Variants in FADS3 observed in about 807,000 individuals in gnomAD.
FADS3 encodes the protein cytochrome b5-related protein.
In FADS3, 30 loss-of-function variants were observed where a neutral mutation model predicts 60.4. The observed-to-expected ratio is 0.50, with a 90% confidence interval of 0.37 to 0.67. The LOEUF is 0.67. Among genes scored for constraint, FADS3 ranks in the 30% least tolerant of loss-of-function variants. The pLI is 0.00. For synonymous variants in FADS3, 234 were observed against 249.3 expected (o/e 0.94, Z 0.58); for missense variants, 432 against 598.3 (o/e 0.72, Z 2.90).
At chr11:61,881,017 AG>A (rs1439707248) in intron 1 of FADS3, 2 of 152,078 alleles carry the variant, frequency 1.3e-5, no homozygotes, top group African/African-American at 4.8e-5. Context: ...TTTTTTTTAA[AG>A]TAAATAAAAT....
intron 1 of FADS3, among the ~76,000 whole-genome samples, chr11:61,884,785 A>G (rs1938253423): frequency 6.6e-6 from 1 of 152,160 alleles, no homozygotes; most frequent in Non-Finnish European, 1.5e-5. Flanking sequence ...AGCGAGTGGA[A>G]AGCGGCACTC....
chr11:61,888,770 C>T (rs1256790537), intron 1 of FADS3, among the ~76,000 whole-genome samples: 1 of 94,266 alleles, frequency 1.1e-5, no homozygotes, highest in African/African-American at 2.7e-5. Flanking sequence ...AGCTCACTGT[C>T]TGCCCCAGCT....
chr11:61,891,987 G>C (rs557384190), upstream of FADS3: 114 of 152,368 alleles, frequency 7.5e-4, no homozygotes, highest in African/African-American at 2.5e-3. Flanking sequence ...GCGCCCAGAG[G>C]GGGGACGCTG....
chr11:61,886,552 A>G (rs1312049370), intron 1 of FADS3, among the ~76,000 whole-genome samples: 2 of 150,926 alleles, frequency 1.3e-5, no homozygotes, highest in African/African-American at 4.9e-5. Context: ...CCCCCAACCA[A>G]CTCCTGTGGC....
rs369029437 is a variant in FADS3, at chr11:61,878,653, C to G, written c.625-19G>C. ...AGAAGCCCTGTGGAGGAGGAGGGGG[C>G]TCTCAGGGCAGGCTGTGCCCCCGAC... On this transcript the variant is annotated intron_variant, in intron 4 of 11. Transcript: ENST00000278829. 1.3e-5 allele frequency: 21 copies of G among 1,613,556 alleles called. No homozygotes were observed. The African/African-American group carries it at 2.4e-4, about 18-fold the overall frequency.
At chr11:61,880,446 C>T in intron 1 of FADS3, 1 of 245,966 alleles carries the variant, frequency 4.1e-6, no homozygotes, top group Non-Finnish European at 7.8e-6. Flanking sequence ...AGAAAGACCT[C>T]CCGGGAAGAC....
At chr11:61,883,420 C>T (rs1938202541) in intron 1 of FADS3, among the ~76,000 whole-genome samples, 1 of 152,160 alleles carries the variant, frequency 6.6e-6, no homozygotes, top group Non-Finnish European at 1.5e-5. Flanking sequence ...GATGGTGAGT[C>T]CCTCTTTCTC....
At chr11:61,890,488 G>C (rs1342434521) in intron 1 of FADS3, 1 of 152,298 alleles carries the variant, frequency 6.6e-6, no homozygotes, top group Non-Finnish European at 1.5e-5. Context: ...GGGGCTGGTC[G>C]GGCTGCTCCA....
intron 1 of FADS3, among the ~76,000 whole-genome samples, chr11:61,883,300 A>G (rs1461155480): frequency 6.6e-6 from 1 of 152,100 alleles, no homozygotes; most frequent in African/African-American, 2.4e-5. Flanking sequence ...GAGAAATCAC[A>G]TGTTTGTTCC....
At chr11:61,882,283 T>C (rs1415764592) in intron 1 of FADS3, 2 of 151,526 alleles carry the variant, frequency 1.3e-5, no homozygotes, top group Non-Finnish European at 2.9e-5. Flanking sequence ...GCTAATTTTT[T>C]ATTTTTATTT....
In FADS3 at chr11:61,877,568, G is replaced by A. The variant is rs754678317; in HGVS notation, c.828C>T (p.Thr276=). 4 of 1,613,618 alleles carry A rather than the reference G, an allele frequency of 2.5e-6. No homozygotes were observed. In the African/African-American group the frequency reaches 4.0e-5, roughly 16 times the overall value. The change falls in exon 7 of 12, where the codon ACC becomes ACT. Residue 276 remains threonine, a synonymous_variant. Coordinates refer to ENST00000278829, the MANE Select transcript of FADS3 (RefSeq NM_021727.5). This position sits in a 1 kb window ranked among gnomAD's most constrained non-coding sequence, Gnocchi z 4.7. ...GATTTTCCACTTCAAAGTTCACCAG[G>A]GTGAGCAGCGGCGGGCCGACTGCAA... ...YFFLIGPPLL[T]LVNFEVENLA...
chr11:61,885,344 T>C (rs1186091018), intron 1 of FADS3, among the ~76,000 whole-genome samples: 2 of 152,134 alleles, frequency 1.3e-5, no homozygotes, highest in Non-Finnish European at 1.5e-5. Flanking sequence ...GTATTTCTCA[T>C]CAGTAAACTG....
rs1042624116 is a variant in FADS3 at position 61,876,784 on chromosome 11, A to G, written c.983+82T>C. On this transcript the variant is annotated intron_variant, in intron 8 of 11. Transcript: ENST00000278829. This position sits in a 1 kb window ranked among gnomAD's most constrained non-coding sequence, Gnocchi z 5.7. The stretch of plus-strand genomic sequence containing the variant: ...CAGTACCACTGGCCCCATTCTGCAG[A>G]CGGGAAAAGGGAAGCTCTGGTGGGG... The G allele has an allele frequency of 7.2e-6, 8 of 1,116,392 alleles. No individual in the cohort carries two copies. Among genetic ancestry groups the G allele is most frequent in the African/African-American group, 3.1e-5 (2 of 64,794 alleles). 69.2% of individuals were successfully genotyped at this position (1,116,392 alleles called of 1,614,324 possible).
chr11:61,877,448 C>A lies in FADS3; in HGVS notation c.885+63G>T. On this transcript the variant is annotated intron_variant, in intron 7 of 11. Transcript: ENST00000278829. The surrounding 1 kb of genome is among the most constrained non-coding windows in gnomAD (Gnocchi z 4.7). Reference sequence around the variant, plus strand: ...TTTGCCTTCATGGGCAGGTACTGTCCCCCGAGGCACCACCTCCTGCCACGG... The same window carrying A: ...TTTGCCTTCATGGGCAGGTACTGTCACCCGAGGCACCACCTCCTGCCACGG... 2 of 1,510,112 alleles carry A rather than the reference C, an allele frequency of 1.3e-6. No individual in the cohort carries two copies. The highest frequency in any genetic ancestry group is 2.2e-5 in the South Asian group (2 of 89,180). The allele number at this position is 1,510,112 out of a possible 1,614,324, so 93.5% of individuals were successfully genotyped here.
chr11:61,881,441 G>A (rs1318567738), intron 1 of FADS3: 1 of 152,132 alleles, frequency 6.6e-6, no homozygotes, highest in Non-Finnish European at 1.5e-5. Context: ...CACAGCTCTT[G>A]GACTGATTTT....
upstream of FADS3, chr11:61,891,683 T>C (rs1180317574): frequency 1.3e-5 from 2 of 154,890 alleles, no homozygotes; most frequent in African/African-American, 2.5e-5. Flanking sequence ...GCGCGGGGCC[T>C]CGGTCTCCAT....
Position 61,876,993 on chromosome 11 carries a change from AGGTCTCCAGGT to A in FADS3, c.886-41_886-31del. 6.6e-7 allele frequency: 1 copy of A among 1,504,556 alleles called. No homozygotes were observed. The highest frequency in any genetic ancestry group is 9.0e-7 in the Non-Finnish European group (1 of 1,112,052). The allele number at this position is 1,504,556 out of a possible 1,614,324, so 93.2% of individuals were successfully genotyped here. On this transcript the variant is annotated intron_variant, in intron 7 of 11. Transcript: ENST00000278829. The surrounding 1 kb of genome is among the most constrained non-coding windows in gnomAD (Gnocchi z 5.7). ...AGAGGAGGGCAGAGGCGATACCGAG[AGGTCTCCAGGT>A]GCCCGGAGGTCTGGAGGCCTGGTGG...
chr11:61,874,306 C>T (rs1412378687), intron 11 of FADS3, among the ~76,000 whole-genome samples: 2 of 152,244 alleles, frequency 1.3e-5, no homozygotes, highest in African/African-American at 2.4e-5. Context: ...CTCTAAAGGG[C>T]TGTGCCAAAT....
In FADS3 at chr11:61,877,328, G is replaced by T; in HGVS notation, c.885+183C>A. On this transcript the variant is annotated intron_variant, in intron 7 of 11. Coordinates refer to ENST00000278829, the MANE Select transcript of FADS3 (RefSeq NM_021727.5). This position sits in a 1 kb window ranked among gnomAD's most constrained non-coding sequence, Gnocchi z 4.7. ...CCCCCCCCACCACACGTACAGTCACGGGCACACTCGCTCTCCTGCTGCGCG... is the reference window on the plus strand; with the variant it reads ...CCCCCCCCACCACACGTACAGTCACTGGCACACTCGCTCTCCTGCTGCGCG... The T allele has an allele frequency of 2.0e-6, 1 of 501,432 alleles. No homozygotes were observed. The allele number at this position is 501,432 out of a possible 1,614,324, so 31.1% of individuals were successfully genotyped here.
Sources: gnomAD v4.1 joint callset for allele counts (sites outside exome capture counted in the v4.1 genomes callset) on GRCh38, gnomAD v4.1.1 for gene constraint, Gnocchi (gnomAD v3.1) non-coding constraint, MANE v1.5 for transcripts, NCBI Gene and HGNC (gene_info 2026-07-23, HGNC 2026-07-21) for gene names.